GPC5: variants seen among roughly 807,000 people sequenced by gnomAD.
The protein encoded by GPC5 is glypican-5.
Under a neutral mutation model 53.9 loss-of-function variants are expected in GPC5, and 47 were observed. That is an observed-to-expected ratio of 0.87 (90% CI 0.69 to 1.11). The LOEUF is 1.11. GPC5 is among the 50% of genes most tolerant of loss of function. The pLI, the probability that GPC5 is intolerant of heterozygous loss-of-function variation, is 0.00. For missense variants in GPC5, 748 were observed against 713.1 expected (o/e 1.05, Z -0.56); for synonymous variants, 286 against 263.3 (o/e 1.09, Z -0.84).
chr13:92,018,004 A>C (rs573620129), intron 6 of GPC5, among the ~76,000 whole-genome samples: 5 of 152,042 alleles, frequency 3.3e-5, no homozygotes, highest in African/African-American at 1.2e-4. Context: ...ACACGAGTAC[A>C]CACATACACA....
chr13:92,265,640 T>C (rs2042797499), intron 7 of GPC5, among the ~76,000 whole-genome samples: 1 of 152,170 alleles, frequency 6.6e-6, no homozygotes, highest in Non-Finnish European at 1.5e-5. Context: ...TAGTGCCTCA[T>C]TCATGGAAAT....
intron 7 of GPC5, among the ~76,000 whole-genome samples, chr13:92,645,348 T>C (rs1343015166): frequency 6.6e-6 from 1 of 152,178 alleles, no homozygotes; most frequent in Non-Finnish European, 1.5e-5. Context: ...TTTCACTATG[T>C]TGGTCAGACT....
intron 6 of GPC5, among the ~76,000 whole-genome samples, chr13:92,057,977 T>G (rs1419775829): frequency 6.6e-6 from 1 of 152,108 alleles, no homozygotes; most frequent in Non-Finnish European, 1.5e-5. Context: ...GACGGAGGCC[T>G]GTAGTCTCAT....
At chr13:91,881,473 A>T (rs886195811) in intron 5 of GPC5, among the ~76,000 whole-genome samples, 1 of 152,172 alleles carries the variant, frequency 6.6e-6, no homozygotes, top group Non-Finnish European at 1.5e-5. Flanking sequence ...CCTCATCAGA[A>T]ATTGAGCAGC....
intron 6 of GPC5, among the ~76,000 whole-genome samples, chr13:92,139,680 A>AAAGTG (rs1555313595): frequency 7.1e-6 from 1 of 140,808 alleles, no homozygotes; most frequent in Non-Finnish European, 1.5e-5. Flanking sequence ...AAAAAAAAAA[A>AAAGTG]AAAAAGTGTT....
intron 2 of GPC5, among the ~76,000 whole-genome samples, chr13:91,492,538 C>T (rs752823161): frequency 3.3e-5 from 5 of 152,124 alleles, no homozygotes; most frequent in Middle Eastern, 3.2e-3. Context: ...AGACTGAGTT[C>T]GCCTTTTTTC....
At chr13:91,933,293 T>G (rs1168596578) in intron 6 of GPC5, among the ~76,000 whole-genome samples, 2 of 151,952 alleles carry the variant, frequency 1.3e-5, no homozygotes, top group African/African-American at 2.4e-5. Context: ...TACTGTTGTT[T>G]TAACATGAAA....
intron 2 of GPC5, among the ~76,000 whole-genome samples, chr13:91,538,251 G>A (rs1360125427): frequency 6.6e-6 from 1 of 152,164 alleles, no homozygotes; most frequent in Non-Finnish European, 1.5e-5. Flanking sequence ...TACATTTTTG[G>A]ATATTTGGAA....
intron 7 of GPC5, among the ~76,000 whole-genome samples, chr13:92,663,639 C>CACTATATATATACTATATATATAT (rs957701501): frequency 9.0e-6 from 1 of 111,354 alleles, no homozygotes; most frequent in Non-Finnish European, 2.0e-5. Flanking sequence ...TATATATACA[C>CACTATATATATACTATATATATAT]ACTATATATA....
chr13:92,792,010 G>C (rs560864830), intron 7 of GPC5, among the ~76,000 whole-genome samples: 4 of 152,134 alleles, frequency 2.6e-5, no homozygotes, highest in African/African-American at 9.6e-5. Flanking sequence ...GCAAAGAATA[G>C]AAAGCTCTCA....
intron 7 of GPC5, among the ~76,000 whole-genome samples, chr13:92,584,208 G>T (rs772111920): frequency 2.6e-5 from 4 of 152,160 alleles, no homozygotes; most frequent in Admixed American, 1.3e-4. Flanking sequence ...GAAGAAGACA[G>T]GAAAATGTGG....
At chr13:92,116,540 G>T (rs2041603498) in intron 6 of GPC5, among the ~76,000 whole-genome samples, 1 of 152,244 alleles carries the variant, frequency 6.6e-6, no homozygotes, top group African/African-American at 2.4e-5. Context: ...TGTACAAGTT[G>T]TCAAAAGACA....
intron 7 of GPC5, among the ~76,000 whole-genome samples, chr13:92,773,139 T>C (rs1875672938): frequency 6.6e-6 from 1 of 152,120 alleles, no homozygotes; most frequent in Non-Finnish European, 1.5e-5. Flanking sequence ...CACAAAACAG[T>C]AGCATTTTTC....
At chr13:92,806,988 T>C (rs1292040780) in intron 7 of GPC5, among the ~76,000 whole-genome samples, 2 of 152,206 alleles carry the variant, frequency 1.3e-5, no homozygotes, top group Non-Finnish European at 2.9e-5. Context: ...ATCTGTGAAG[T>C]ACATTAAAGT....
intron 2 of GPC5, among the ~76,000 whole-genome samples, chr13:91,609,773 C>T (rs1020698822): frequency 3.9e-5 from 6 of 152,156 alleles, no homozygotes; most frequent in African/African-American, 1.2e-4. Flanking sequence ...TTTTATACGC[C>T]AGAGTAAACT....
chr13:92,264,585 G>C (rs2042788597), intron 7 of GPC5, among the ~76,000 whole-genome samples: 1 of 151,892 alleles, frequency 6.6e-6, no homozygotes, highest in East Asian at 1.9e-4. Flanking sequence ...AAAACACCAA[G>C]AACCTGGATG....
At chr13:91,466,138 A>T (rs768251475) in intron 2 of GPC5, among the ~76,000 whole-genome samples, 10 of 152,192 alleles carry the variant, frequency 6.6e-5, no homozygotes, top group Non-Finnish European at 1.0e-4. Context: ...TGAGAACTCA[A>T]ACATCCCATA....
At chr13:91,612,484 A>C (rs542956040) in intron 2 of GPC5, among the ~76,000 whole-genome samples, 13 of 152,308 alleles carry the variant, frequency 8.5e-5, no homozygotes, top group Admixed American at 6.5e-4. Flanking sequence ...TATGGAGCAG[A>C]TATGAAGAAA....
At chr13:91,451,014 G>A (rs901549175) in intron 2 of GPC5, among the ~76,000 whole-genome samples, 1 of 152,128 alleles carries the variant, frequency 6.6e-6, no homozygotes, top group Non-Finnish European at 1.5e-5. Context: ...TACCATAAGT[G>A]AGCAGGCTAC....
Sources: allele counts gnomAD v4.1 joint callset (sites outside exome capture counted in the v4.1 genomes callset), GRCh38; gene constraint gnomAD v4.1.1; transcripts MANE v1.5; gene names NCBI Gene and HGNC (gene_info 2026-07-23, HGNC 2026-07-21).